Variants in TP63 observed in about 807,000 individuals in gnomAD.
The protein encoded by TP63 is tumor protein p63.
TP63 carries 17 observed loss-of-function variants against 82.8 expected under a neutral mutation model. That is an observed-to-expected ratio of 0.21 (90% confidence interval 0.14 to 0.31). The LOEUF is 0.31. Ranked by LOEUF, TP63 falls within the 10% of genes least tolerant of loss-of-function variation. The probability of loss-of-function intolerance (pLI) is 1.00; values close to 1 mark genes in which losing one functional copy is unlikely to be tolerated. For missense variants in TP63, 648 were observed against 895.3 expected (o/e 0.72, Z 3.52); for synonymous variants, 330 against 321.7 (o/e 1.03, Z -0.28).
chr3:189,609,964 TCC>T, the TP63 span, among the ~76,000 whole-genome samples: 2 of 152,218 alleles, frequency 1.3e-5, no homozygotes, highest in Admixed American at 1.3e-4. Flanking sequence ...CATACTGCTT[TCC>T]ATGACAGTTG....
chr3:189,839,448 G>A (rs2108735529), intron 4 of TP63, among the ~76,000 whole-genome samples: 1 of 152,190 alleles, frequency 6.6e-6, no homozygotes, highest in East Asian at 1.9e-4. Context: ...GACATAGAAT[G>A]GAGCATCCAT....
the TP63 span, among the ~76,000 whole-genome samples, chr3:189,623,053 C>T: frequency 1.3e-5 from 2 of 152,168 alleles, no homozygotes; most frequent in South Asian, 4.1e-4. Flanking sequence ...TCTAGCCCCT[C>T]TTTTGTGAGC....
chr3:189,641,559 TTC>T (rs1172553937), intron 1 of TP63, among the ~76,000 whole-genome samples: 2 of 152,148 alleles, frequency 1.3e-5, no homozygotes, highest in Non-Finnish European at 2.9e-5. Context: ...CATAAATAGT[TTC>T]AATGTCTTAT....
intron 3 of TP63, among the ~76,000 whole-genome samples, chr3:189,777,845 CTTTTTTT>C (rs55731981): frequency 1.1e-4 from 4 of 37,752 alleles, no homozygotes; most frequent in South Asian, 1.2e-3. Flanking sequence ...TCTTCTTCTT[CTTTTTTT>C]TTTTTTTTTT....
upstream of TP63, chr3:189,631,166 A>G (rs1034101088): frequency 7.6e-6 from 7 of 917,954 alleles, no homozygotes; most frequent in Middle Eastern, 1.1e-3. Context: ...TCAGAAGTTC[A>G]GAGATGCCTC....
chr3:189,891,571 G>T (rs1286638566), intron 13 of TP63, among the ~76,000 whole-genome samples: 2 of 152,186 alleles, frequency 1.3e-5, no homozygotes, highest in East Asian at 3.8e-4. Context: ...AGAACTTGGG[G>T]TTATCACTTT....
the TP63 span, among the ~76,000 whole-genome samples, chr3:189,610,940 C>T: frequency 2.2e-4 from 34 of 152,242 alleles, no homozygotes; most frequent in African/African-American, 7.5e-4. Flanking sequence ...CAGGAAAACT[C>T]CCCCTTATAG....
chr3:189,849,780 T>C (rs1006386859), intron 4 of TP63, among the ~76,000 whole-genome samples: 1 of 152,156 alleles, frequency 6.6e-6, no homozygotes, highest in African/African-American at 2.4e-5. Flanking sequence ...TCAATAAATA[T>C]TTGCTGAATT....
At position 189,856,874 on chromosome 3, in the gene TP63, A is replaced by C. The variant is rs181245979; in HGVS notation, c.580-7358A>C. Among the ~76,000 whole-genome samples the C allele has an allele frequency of 5.3e-5, 8 of 152,218 alleles. No individual in the cohort carries two copies. In the East Asian group the frequency reaches 1.2e-3, roughly 22 times the overall value. Reference sequence around the variant, plus strand: ...AAAACATTTCTGAGTAAAATTAAAGATACTCTGTTTAAATGGAGAGATATC... The same window carrying C: ...AAAACATTTCTGAGTAAAATTAAAGCTACTCTGTTTAAATGGAGAGATATC... On this transcript the variant is annotated intron_variant, in intron 4 of 13. Transcript: ENST00000264731.
chr3:189,851,018 T>G (rs1296660823), intron 4 of TP63, among the ~76,000 whole-genome samples: 1 of 152,250 alleles, frequency 6.6e-6, no homozygotes, highest in Non-Finnish European at 1.5e-5. Flanking sequence ...TTAAGCTATG[T>G]TAAACACTTT....
chr3:189,682,966 C>A (rs1434966038), intron 1 of TP63, among the ~76,000 whole-genome samples: 1 of 152,202 alleles, frequency 6.6e-6, no homozygotes, highest in Non-Finnish European at 1.5e-5. Flanking sequence ...ATGATAGGGA[C>A]TTCATTTAAT....
intron 1 of TP63, among the ~76,000 whole-genome samples, chr3:189,644,138 T>G (rs995571790): frequency 6.6e-6 from 1 of 152,100 alleles, no homozygotes; most frequent in Non-Finnish European, 1.5e-5. Context: ...TGCCCTGGGT[T>G]GTTCATCATT....
intron 10 of TP63, among the ~76,000 whole-genome samples, chr3:189,875,617 T>TATAC (rs1553859731): frequency 1.1e-4 from 11 of 104,078 alleles, no homozygotes; most frequent in African/African-American, 3.9e-4. Context: ...TATATATATA[T>TATAC]ATATATATAT....
intron 10 of TP63, among the ~76,000 whole-genome samples, chr3:189,881,668 A>G (rs1487695846): frequency 6.6e-6 from 1 of 152,270 alleles, no homozygotes; most frequent in South Asian, 2.1e-4. Context: ...ATTTTTATTT[A>G]AGATACTCTG....
At position 189,682,578 on chromosome 3, in the gene TP63, A is replaced by T. The variant is rs1465124750; in HGVS notation, c.62+51001A>T. On this transcript the variant is annotated intron_variant, in intron 1 of 13. Coordinates refer to ENST00000264731, the MANE Select transcript of TP63 (RefSeq NM_003722.5). ...AATATATATATATATATATATATATATATATATATATATATATCCTATTCA... is the reference window on the plus strand; with the variant it reads ...AATATATATATATATATATATATATTTATATATATATATATATCCTATTCA... Among the ~76,000 whole-genome samples, 154 of 84,082 alleles carry T rather than the reference A, an allele frequency of 1.8e-3. 7 individuals carry two copies. Among genetic ancestry groups the T allele is most frequent in the Admixed American group, 4.1e-3 (32 of 7,896 alleles). The allele number at this position is 84,082 out of a possible 152,430, so 55.2% of individuals were successfully genotyped here. A position where few individuals can be genotyped will look rare whatever the true frequency, so the allele number is the denominator to read the frequency against.
At chr3:189,752,256 C>T (rs192777253) in intron 3 of TP63, among the ~76,000 whole-genome samples, 125 of 152,224 alleles carry the variant, frequency 8.2e-4, no homozygotes, top group Non-Finnish European at 8.8e-4. Flanking sequence ...TCACTGCGGC[C>T]TCAACCTCCT....
the TP63 span, among the ~76,000 whole-genome samples, chr3:189,625,690 G>C: frequency 5.9e-5 from 9 of 152,014 alleles, no homozygotes; most frequent in African/African-American, 2.2e-4. Flanking sequence ...CTGACAAATG[G>C]TTCAGGGAAA....
chr3:189,674,822 A>C (rs1051955422), intron 1 of TP63, among the ~76,000 whole-genome samples: 2 of 152,162 alleles, frequency 1.3e-5, no homozygotes, highest in Non-Finnish European at 2.9e-5. Flanking sequence ...CTAAGGCTGA[A>C]ATCAGAAATG....
intron 3 of TP63, among the ~76,000 whole-genome samples, chr3:189,761,441 G>C (rs1007987938): frequency 6.6e-6 from 1 of 152,202 alleles, no homozygotes; most frequent in Non-Finnish European, 1.5e-5. Context: ...CAGTAACTTT[G>C]CTAAATCATA....
Sources: allele counts gnomAD v4.1 joint callset (sites outside exome capture counted in the v4.1 genomes callset), GRCh38; gene constraint gnomAD v4.1.1; transcripts MANE v1.5; gene names NCBI Gene and HGNC (gene_info 2026-07-23, HGNC 2026-07-21).